The following SMARCC1 variants were observed in gnomAD, a reference collection of about 807,000 sequenced individuals.
SMARCC1 encodes the protein SWI/SNF complex subunit SMARCC1.
In SMARCC1, 43 loss-of-function variants were observed where a neutral mutation model predicts 147.4. The observed-to-expected ratio is 0.29, with a 90% CI of 0.23 to 0.38. The LOEUF is 0.38. SMARCC1 is among the 10% of genes least tolerant of loss of function. The probability of loss-of-function intolerance (pLI) is 1.00; values close to 1 mark genes in which losing one functional copy is unlikely to be tolerated. For missense variants in SMARCC1, 1,119 were observed against 1,381.1 expected, an observed-to-expected ratio of 0.81 and a Z score of 3.01; for synonymous variants, 495 against 484.4, an observed-to-expected ratio of 1.02 and a Z score of -0.29.
rs1430282232 is a variant in SMARCC1 at position 47,781,670 on chromosome 3, C to A, written c.128G>T (p.Trp43Leu). The change falls in exon 1 of 28, where the codon TGG (tryptophan) becomes TTG (leucine). Residue 43 changes from tryptophan to leucine, a missense_variant. Coordinates refer to ENST00000254480, the MANE Select transcript of SMARCC1 (RefSeq NM_003074.4). ...CTGGGACACCGTCTCCGGGCTCTCC[C>A]AAAACTTGGTGGCCGGGCCCCCATC... ...RKDGGPATKF[W>L]ESPETVSQLD... 4.5e-6 allele frequency: 7 copies of A among 1,559,448 alleles called. No individual in the cohort carries two copies. Among genetic ancestry groups the A allele is most frequent in the East Asian group, 2.7e-5 (1 of 37,574 alleles).
At chr3:47,659,739 A>G (rs989890640) in intron 21 of SMARCC1, among the ~76,000 whole-genome samples, 1 of 121,626 alleles carries the variant, frequency 8.2e-6, no homozygotes, top group African/African-American at 3.1e-5. Context: ...CTAAGACATA[A>G]AGTCTACTAA....
At chr3:47,696,680 G>C (rs962997567) in intron 11 of SMARCC1, among the ~76,000 whole-genome samples, 1 of 151,574 alleles carries the variant, frequency 6.6e-6, no homozygotes, top group African/African-American at 2.4e-5. Context: ...CACCACACCC[G>C]GCTAATTTTT....
intron 14 of SMARCC1, among the ~76,000 whole-genome samples, chr3:47,685,671 A>G (rs1051340842): frequency 1.3e-5 from 2 of 152,102 alleles, no homozygotes; most frequent in Admixed American, 1.3e-4. Flanking sequence ...CACCCTGGCC[A>G]AGATGGTGAA....
chr3:47,756,559 A>G (rs1262575285), intron 2 of SMARCC1, among the ~76,000 whole-genome samples: 1 of 151,408 alleles, frequency 6.6e-6, no homozygotes, highest in Non-Finnish European at 1.5e-5. Flanking sequence ...AAAAAAAGGC[A>G]AAGATTTCTA....
At chr3:47,649,000 A>C (rs2033153448) in intron 21 of SMARCC1, among the ~76,000 whole-genome samples, 1 of 152,244 alleles carries the variant, frequency 6.6e-6, no homozygotes, top group South Asian at 2.1e-4. Flanking sequence ...CTACCTAATA[A>C]ATATGAGACA....
At chr3:47,663,265 A>AGGAAGGAG (rs1227527200) in intron 19 of SMARCC1, among the ~76,000 whole-genome samples, 28 of 145,606 alleles carry the variant, frequency 1.9e-4, no homozygotes, top group African/African-American at 6.9e-4. Context: ...GAAGGAAGGA[A>AGGAAGGAG]GGGCTTTTTT....
chr3:47,720,245 T>C (rs774403054), intron 7 of SMARCC1, among the ~76,000 whole-genome samples: 2 of 151,800 alleles, frequency 1.3e-5, no homozygotes, highest in South Asian at 2.1e-4. Context: ...TGCCTTAGCT[T>C]CCTGAGTAGC....
chr3:47,626,103 G>A (rs1182559958), intron 24 of SMARCC1, among the ~76,000 whole-genome samples: 1 of 152,096 alleles, frequency 6.6e-6, no homozygotes, highest in East Asian at 1.9e-4. Flanking sequence ...GCAGTGAGCT[G>A]TGATCTTGCC....
At chr3:47,637,952 T>C (rs2032993439) in intron 22 of SMARCC1, among the ~76,000 whole-genome samples, 1 of 152,182 alleles carries the variant, frequency 6.6e-6, no homozygotes, top group South Asian at 2.1e-4. Context: ...ACCTACCTCA[T>C]ATGTCATCTT....
intron 3 of SMARCC1, among the ~76,000 whole-genome samples, chr3:47,742,115 C>A (rs1171026044): frequency 6.6e-6 from 1 of 152,100 alleles, no homozygotes; most frequent in Non-Finnish European, 1.5e-5. Context: ...GCATGAGCCA[C>A]CACACCAGCC....
intron 2 of SMARCC1, among the ~76,000 whole-genome samples, chr3:47,758,227 C>T (rs1196317457): frequency 1.3e-5 from 2 of 151,930 alleles, no homozygotes; most frequent in African/African-American, 4.8e-5. Context: ...TCAAGTGATC[C>T]TCACACCTCA....
intron 25 of SMARCC1, among the ~76,000 whole-genome samples, chr3:47,615,409 T>G (rs1346498049): frequency 6.6e-6 from 1 of 152,236 alleles, no homozygotes; most frequent in African/African-American, 2.4e-5. Context: ...TCCAGTCTCC[T>G]AAGCAATCAT....
chr3:47,773,187 G>A (rs985635095), intron 1 of SMARCC1, among the ~76,000 whole-genome samples: 5 of 152,002 alleles, frequency 3.3e-5, no homozygotes, highest in African/African-American at 1.2e-4. Context: ...GAGTGCAGCG[G>A]TGCAATCTCG....
chr3:47,751,295 C>T (rs62263561), intron 2 of SMARCC1, among the ~76,000 whole-genome samples: 39,577 of 151,928 alleles, frequency 0.26, 5,737 homozygotes, highest in South Asian at 0.42. Flanking sequence ...ATAATCCCAA[C>T]ACTTTGGAAG....
chr3:47,635,898 T>C (rs1202532858), intron 23 of SMARCC1, 124 bp downstream of exon 23: 1 of 604,826 alleles, frequency 1.7e-6, no homozygotes, highest in Non-Finnish European at 2.9e-6. Context: ...AATTACATAC[T>C]TATTGTTACA....
rs546659321 is a variant in SMARCC1 at position 47,726,061 on chromosome 3, C to CA, written c.646+2963dup. 3.4e-3 allele frequency among the ~76,000 whole-genome samples: 173 copies of CA among 50,676 alleles called. 10 individuals carry two copies. The highest frequency in any genetic ancestry group is 5.7e-3 in the African/African-American group (73 of 12,910). 33.2% of individuals were successfully genotyped at this position (50,676 alleles called of 152,430 possible). A position where few individuals can be genotyped will look rare whatever the true frequency, so the allele number is the denominator to read the frequency against. ...TGGGTAGAAGAGTGAGACTCTGTCT[C>CA]AAAAAAAAAAAAAAAAAAAAGGTGA... On this transcript the variant is annotated intron_variant, in intron 6 of 27. Coordinates refer to ENST00000254480, the MANE Select transcript of SMARCC1 (RefSeq NM_003074.4).
chr3:47,717,283 A>C (rs1259449365), intron 7 of SMARCC1, among the ~76,000 whole-genome samples: 1 of 152,194 alleles, frequency 6.6e-6, no homozygotes, highest in Non-Finnish European at 1.5e-5. Flanking sequence ...TTTAAGGGAA[A>C]TACAGAGAAC....
At chr3:47,752,566 A>G (rs2034640894) in intron 2 of SMARCC1, among the ~76,000 whole-genome samples, 1 of 152,130 alleles carries the variant, frequency 6.6e-6, no homozygotes, top group African/African-American at 2.4e-5. Flanking sequence ...CAGGAGGATC[A>G]CTTCAGGCCA....
chr3:47,633,434 C>T (rs890223935), intron 24 of SMARCC1, among the ~76,000 whole-genome samples: 1 of 151,958 alleles, frequency 6.6e-6, no homozygotes, highest in East Asian at 1.9e-4. Flanking sequence ...GCCCTCTCCA[C>T]CTCTAGCTCC....
Sources: allele counts gnomAD v4.1 joint callset (sites outside exome capture counted in the v4.1 genomes callset), GRCh38; gene constraint gnomAD v4.1.1; transcripts MANE v1.5; gene names NCBI Gene and HGNC (gene_info 2026-07-23, HGNC 2026-07-21).